The following ZFYVE27 variants were observed in gnomAD, a reference collection of about 807,000 sequenced individuals.
ZFYVE27 encodes zinc finger FYVE-type containing 27.
A neutral mutation model predicts 52.8 loss-of-function variants in ZFYVE27; 36 were observed. The ratio of observed to expected loss-of-function variants is 0.68; its 90% CI spans 0.52 to 0.90. The LOEUF (loss-of-function observed/expected upper bound fraction) is 0.90. Ranked by LOEUF, ZFYVE27 falls within the 40% of genes least tolerant of loss-of-function variation. ZFYVE27 has a pLI of 0.00. For synonymous variants in ZFYVE27, 223 were observed against 215.6 expected, an observed-to-expected ratio of 1.03 and a Z score of -0.30; for missense variants, 450 against 527.2, an observed-to-expected ratio of 0.85 and a Z score of 1.43.
At chr10:97,758,601 C>G (rs543193698) in intron 12 of ZFYVE27, among the ~76,000 whole-genome samples, 1 of 152,202 alleles carries the variant, frequency 6.6e-6, no homozygotes, top group Non-Finnish European at 1.5e-5. Flanking sequence ...GGATTACAGG[C>G]GTGAGCCACC....
At chr10:97,749,088 A>G (rs2046251009) in intron 5 of ZFYVE27, among the ~76,000 whole-genome samples, 1 of 152,214 alleles carries the variant, frequency 6.6e-6, no homozygotes, top group Non-Finnish European at 1.5e-5. Context: ...GCGCTACTTC[A>G]GTCCCCATCT....
chr10:97,738,941 G>C, intron 2 of ZFYVE27: 1 of 490,236 alleles, frequency 2.0e-6, no homozygotes, highest in Non-Finnish European at 3.7e-6. Flanking sequence ...TGGACTGCTG[G>C]ACAACCTTGA....
At chr10:97,753,266 G>A in intron 10 of ZFYVE27, 84 bp downstream of exon 10, 2 of 1,528,330 alleles carry the variant, frequency 1.3e-6, no homozygotes, top group Non-Finnish European at 1.8e-6. Context: ...AGCCACAGGG[G>A]CAGAGTCTCA....
At chr10:97,751,737 C>T (rs531724005) in intron 8 of ZFYVE27, among the ~76,000 whole-genome samples, 39 of 152,214 alleles carry the variant, frequency 2.6e-4, no homozygotes, top group Admixed American at 1.3e-4. Flanking sequence ...TGCTGGAGAC[C>T]GTGGGCTTGG....
At chr10:97,738,742 C>T in intron 2 of ZFYVE27, 68 bp downstream of exon 2, 1 of 1,577,000 alleles carries the variant, frequency 6.3e-7, no homozygotes, top group Non-Finnish European at 8.7e-7. Flanking sequence ...GTAACTAACA[C>T]TGACCATTTA....
chr10:97,745,120 G>A (rs1187230484), intron 4 of ZFYVE27, among the ~76,000 whole-genome samples: 1 of 152,086 alleles, frequency 6.6e-6, no homozygotes, highest in South Asian at 2.1e-4. Context: ...GCTAGAAAGT[G>A]GCCAAGCTGG....
At chr10:97,753,303 G>A in intron 10 of ZFYVE27, 121 bp downstream of exon 10, 1 of 1,434,964 alleles carries the variant, frequency 7.0e-7, no homozygotes, top group African/African-American at 1.4e-5. Context: ...CTTGTGACAA[G>A]AGCAGGGAGT....
chr10:97,751,342 G>C, intron 7 of ZFYVE27, 49 bp from the exon 8 acceptor site: 1 of 1,603,126 alleles, frequency 6.2e-7, no homozygotes, highest in Non-Finnish European at 8.5e-7. Flanking sequence ...CTGCCTTAGG[G>C]AGCAGCGCTG....
At chr10:97,749,680 G>C in intron 6 of ZFYVE27, 94 bp downstream of exon 6, 1 of 1,035,672 alleles carries the variant, frequency 9.7e-7, no homozygotes, top group Non-Finnish European at 1.5e-6. Context: ...CTAATCATCA[G>C]TTTGCTGTGC....
chr10:97,750,590 C>T, intron 7 of ZFYVE27, 120 bp downstream of exon 7: 1 of 1,340,244 alleles, frequency 7.5e-7, no homozygotes, highest in Non-Finnish European at 1.0e-6. Flanking sequence ...CAGGCCTTAA[C>T]TCCCCTGAAG....
rs558876085 is a variant in ZFYVE27 at position 97,755,747 on chromosome 10, C to T, written c.1043-1518C>T. Reference sequence around the variant, plus strand: ...TGCAAAGGAGCTTCTCTGTGGCCTCCGTATGGGAGAGGTCTTGGTGGGGAG... The same window carrying T: ...TGCAAAGGAGCTTCTCTGTGGCCTCTGTATGGGAGAGGTCTTGGTGGGGAG... On this transcript the variant is annotated intron_variant, in intron 10 of 12. Transcript: ENST00000684270. Among the ~76,000 whole-genome samples the T allele has an allele frequency of 4.6e-5, 7 of 152,224 alleles. No homozygotes were observed. In the East Asian group the frequency reaches 9.7e-4, roughly 21 times the overall value.
At chr10:97,754,851 A>G (rs941756585) in intron 10 of ZFYVE27, 8 of 1,286,824 alleles carry the variant, frequency 6.2e-6, no homozygotes, top group Admixed American at 2.3e-5. Flanking sequence ...TACAACTTCT[A>G]AGTAAAGGTA....
chr10:97,748,425 A>C (rs2046036181), intron 5 of ZFYVE27, 61 bp downstream of exon 5: 2 of 1,556,252 alleles, frequency 1.3e-6, no homozygotes, highest in East Asian at 2.3e-5. Context: ...AGCCCGAGCA[A>C]AGCCAGCTGC....
At chr10:97,749,395 C>G (rs2046329316) in intron 5 of ZFYVE27, 79 bp from the exon 6 acceptor site, 1 of 1,038,412 alleles carries the variant, frequency 9.6e-7, no homozygotes, top group Admixed American at 1.7e-5. Flanking sequence ...TCACCTGGAC[C>G]CTGCTGTGGG....
chr10:97,750,583 G>T, intron 7 of ZFYVE27, 113 bp downstream of exon 7: 1 of 1,398,446 alleles, frequency 7.2e-7, no homozygotes, highest in South Asian at 1.2e-5. Context: ...TATTTCCCAG[G>T]CCTTAACTCC....
intron 7 of ZFYVE27, among the ~76,000 whole-genome samples, chr10:97,750,707 A>AT (rs2046725980): frequency 6.6e-6 from 1 of 151,432 alleles, no homozygotes; most frequent in South Asian, 2.1e-4. Context: ...TATTCACATC[A>AT]TGGAGTGCAG....
intron 10 of ZFYVE27, among the ~76,000 whole-genome samples, chr10:97,756,550 C>T (rs116936608): frequency 0.025 from 3,818 of 152,262 alleles, 59 homozygotes; most frequent in South Asian, 0.048. Flanking sequence ...CTCTGTCTCT[C>T]CTCTCCCCTT....
chr10:97,742,268 C>T (rs1200059904), intron 2 of ZFYVE27, among the ~76,000 whole-genome samples: 6 of 151,892 alleles, frequency 4.0e-5, no homozygotes, highest in African/African-American at 1.5e-4. Context: ...GTCGTGGCTT[C>T]ATTGTTGCAT....
intron 3 of ZFYVE27, among the ~76,000 whole-genome samples, chr10:97,744,426 A>G (rs956857399): frequency 2.0e-5 from 3 of 152,198 alleles, no homozygotes; most frequent in African/African-American, 7.2e-5. Context: ...AAACGTATTA[A>G]AAGTGAGGAT....
Sources: allele counts gnomAD v4.1 joint callset (sites outside exome capture counted in the v4.1 genomes callset), GRCh38; gene constraint gnomAD v4.1.1; transcripts MANE v1.5; gene names NCBI Gene and HGNC (gene_info 2026-07-23, HGNC 2026-07-21).